Variants in ABLIM1 observed in about 807,000 individuals in gnomAD.
ABLIM1 encodes the protein actin-binding LIM protein 1.
Under a neutral mutation model 107.0 loss-of-function variants are expected in ABLIM1, and 40 were observed. The observed-to-expected ratio is 0.37, with a 90% confidence interval of 0.29 to 0.49. ABLIM1 has a LOEUF of 0.49. ABLIM1 is among the 20% of genes least tolerant of loss of function. The probability of loss-of-function intolerance (pLI) is 0.97; values close to 1 mark genes in which losing one functional copy is unlikely to be tolerated. For missense variants in ABLIM1, 857 were observed against 1,008.5 expected (o/e 0.85, Z 2.04); for synonymous variants, 357 against 357.3 (o/e 1.00, Z 0.01).
intron 6 of ABLIM1, among the ~76,000 whole-genome samples, chr10:114,510,376 T>A (rs1243609633): frequency 3.3e-5 from 5 of 150,594 alleles, no homozygotes; most frequent in African/African-American, 1.3e-4. Context: ...TTTCTTGACT[T>A]GAATATACAT....
the ABLIM1 span, chr10:114,778,616 C>CACACACACACACA: frequency 6.9e-6 from 1 of 145,770 alleles, no homozygotes; most frequent in African/African-American, 2.6e-5. Context: ...CACACACATA[C>CACACACACACACA]ATTTTAACAA....
intron 16 of ABLIM1, among the ~76,000 whole-genome samples, chr10:114,444,629 A>G (rs1330734926): frequency 6.6e-6 from 1 of 152,200 alleles, no homozygotes; most frequent in Non-Finnish European, 1.5e-5. Context: ...ATTTATATCT[A>G]TCTAGTATTT....
chr10:114,720,570 A>T (rs1412862719), intron 1 of ABLIM1, among the ~76,000 whole-genome samples: 1 of 152,136 alleles, frequency 6.6e-6, no homozygotes, highest in Admixed American at 6.5e-5. Flanking sequence ...CCCCTAGGAG[A>T]TCCACAGGCT....
intron 1 of ABLIM1, among the ~76,000 whole-genome samples, chr10:114,648,625 T>C (rs1469437562): frequency 2.6e-5 from 4 of 152,240 alleles, no homozygotes; most frequent in African/African-American, 9.6e-5. Context: ...CACAACTTCG[T>C]GGTTCTACTA....
intron 8 of ABLIM1, among the ~76,000 whole-genome samples, chr10:114,476,368 G>A (rs917037537): frequency 1.3e-5 from 2 of 152,174 alleles, no homozygotes; most frequent in East Asian, 1.9e-4. Context: ...CAGGCTGGGC[G>A]CAGTGGCTCA....
At chr10:114,706,298 A>G (rs1161181650) in intron 1 of ABLIM1, among the ~76,000 whole-genome samples, 1 of 152,250 alleles carries the variant, frequency 6.6e-6, no homozygotes, top group Non-Finnish European at 1.5e-5. Context: ...TTGTTTCACG[A>G]CGTTCATTTT....
At chr10:114,568,196 C>CAAAAAAAA (rs34861242) in intron 4 of ABLIM1, among the ~76,000 whole-genome samples, 16 of 52,376 alleles carry the variant, frequency 3.1e-4, no homozygotes, top group African/African-American at 1.2e-3. Context: ...GACTCCGTCT[C>CAAAAAAAA]AAAAAAAAAA....
chr10:114,447,992 T>C lies in ABLIM1; in HGVS notation c.1623A>G (p.Ser541=). 1 of 1,614,202 alleles carries C rather than the reference T, an allele frequency of 6.2e-7. No homozygotes were observed. The highest frequency in any genetic ancestry group is 8.5e-7 in the Non-Finnish European group (1 of 1,180,022). ...HAALAAQSKS[S]EDIIKFSKFP... is the part of the protein sequence containing the mutation. Reference sequence around the variant, plus strand: ...ACTTGGAAAACTTGATGATATCTTCTGAGGACTTGCTCTGGGCTGCCAAGG... The same window carrying C: ...ACTTGGAAAACTTGATGATATCTTCCGAGGACTTGCTCTGGGCTGCCAAGG... The change falls in exon 15 of 23, where the codon TCA becomes TCG. Residue 541 remains serine, a synonymous_variant. Coordinates refer to ENST00000533213, the MANE Select transcript of ABLIM1 (RefSeq NM_002313.7).
At chr10:114,690,879 G>A (rs1196607302) in intron 1 of ABLIM1, among the ~76,000 whole-genome samples, 4 of 152,074 alleles carry the variant, frequency 2.6e-5, no homozygotes, top group Admixed American at 6.5e-5. Flanking sequence ...ACTGGGTTTC[G>A]CCATGTTGGC....
At chr10:114,699,066 G>A (rs1210534962) in intron 1 of ABLIM1, among the ~76,000 whole-genome samples, 2 of 122,454 alleles carry the variant, frequency 1.6e-5, no homozygotes, top group East Asian at 2.4e-4. Flanking sequence ...GAGCCTGGAC[G>A]ATCTTAGTAA....
At chr10:114,663,975 C>T (rs2141283321) in intron 1 of ABLIM1, among the ~76,000 whole-genome samples, 1 of 152,324 alleles carries the variant, frequency 6.6e-6, no homozygotes, top group Admixed American at 6.5e-5. Flanking sequence ...TATAATTCGT[C>T]TCTCTCAACA....
chr10:114,578,408 TG>T (rs1266296410), intron 2 of ABLIM1, among the ~76,000 whole-genome samples: 8 of 138,050 alleles, frequency 5.8e-5, no homozygotes. Flanking sequence ...CATTTTCTGT[TG>T]TTTTTTTTTT....
chr10:114,578,691 C>A (rs2139094346), intron 2 of ABLIM1, among the ~76,000 whole-genome samples: 1 of 151,998 alleles, frequency 6.6e-6, no homozygotes, highest in South Asian at 2.1e-4. Context: ...CAGGTATCAG[C>A]CACCACGCCC....
At chr10:114,605,356 C>G (rs2076336102) in intron 1 of ABLIM1, among the ~76,000 whole-genome samples, 1 of 152,176 alleles carries the variant, frequency 6.6e-6, no homozygotes, top group Non-Finnish European at 1.5e-5. Context: ...ACAGACATGA[C>G]ATTGATTCTG....
intron 6 of ABLIM1, among the ~76,000 whole-genome samples, chr10:114,529,686 G>A (rs2065247487): frequency 6.6e-6 from 1 of 152,132 alleles, no homozygotes; most frequent in South Asian, 2.1e-4. Flanking sequence ...CATGCCTCCT[G>A]TGCACATGCA....
intron 7 of ABLIM1, 62 bp from the exon 8 acceptor site, chr10:114,488,078 A>G: frequency 6.4e-7 from 1 of 1,553,276 alleles, no homozygotes; most frequent in East Asian, 2.2e-5. Flanking sequence ...GTCCTCTGAG[A>G]CAGCACTTCT....
chr10:114,610,877 G>A (rs962701297), intron 1 of ABLIM1, among the ~76,000 whole-genome samples: 2 of 152,186 alleles, frequency 1.3e-5, no homozygotes, highest in Non-Finnish European at 2.9e-5. Flanking sequence ...ATACTGGCCG[G>A]GTGCGGTGGC....
intron 2 of ABLIM1, among the ~76,000 whole-genome samples, chr10:114,587,263 C>T (rs1020067685): frequency 1.3e-5 from 2 of 152,158 alleles, no homozygotes. Context: ...TTGAAAATTA[C>T]AGATAGAGGA....
At chr10:114,755,097 C>A (rs1591947066) in intron 1 of ABLIM1, among the ~76,000 whole-genome samples, 2 of 152,156 alleles carry the variant, frequency 1.3e-5, no homozygotes, top group Non-Finnish European at 2.9e-5. Flanking sequence ...GCCTGAGGAA[C>A]GGAGCCGCAC....
Sources: allele counts gnomAD v4.1 joint callset (sites outside exome capture counted in the v4.1 genomes callset), GRCh38; gene constraint gnomAD v4.1.1; transcripts MANE v1.5; gene names NCBI Gene and HGNC (gene_info 2026-07-23, HGNC 2026-07-21).